Variants in IL4I1 observed in about 807,000 individuals in gnomAD.
IL4I1 encodes the protein L-amino-acid oxidase.
IL4I1 carries 24 observed loss-of-function variants against 29.7 expected under a neutral mutation model. That is an observed-to-expected ratio of 0.81 (90% confidence interval 0.59 to 1.14). IL4I1 has a LOEUF of 1.14. Among genes scored for constraint, IL4I1 ranks in the 50% most tolerant of loss-of-function variants. IL4I1 has a pLI of 0.00. For missense variants in IL4I1, 686 were observed against 785.6 expected (o/e 0.87, Z 1.52); for synonymous variants, 371 against 352.5 (o/e 1.05, Z -0.59).
chr19:49,922,728 A>C (rs968184733), intron 2 of IL4I1, among the ~76,000 whole-genome samples: 4 of 150,130 alleles, frequency 2.7e-5, no homozygotes, highest in African/African-American at 9.8e-5. Flanking sequence ...AAAAAACTGG[A>C]TTTCCAGCTT....
At position 49,908,830 on chromosome 19, in the gene IL4I1, G is replaced by A. The variant is rs199902644; in HGVS notation, c.-227-4509C>T. The A allele has an allele frequency of 6.3e-5, 102 of 1,612,982 alleles. No homozygotes were observed. The highest frequency in any genetic ancestry group is 2.0e-4 in the East Asian group (9 of 44,894). On this transcript the variant is annotated intron_variant, in intron 2 of 9. Transcript: ENST00000341114. The stretch of plus-strand genomic sequence containing the variant: ...TCTCCAGCTGCGCGTAGGTCATGGC[G>A]GAGCTGGCAGCCGCCCCTGCAGCTG...
Position 49,890,251 on chromosome 19 carries a change from T to C in IL4I1, c.1123A>G (p.Asn375Asp). Residue 375 changes from asparagine to aspartate, a missense_variant, in exon 8 of 8, where the codon AAC (asparagine) becomes GAC (aspartate). By Grantham distance (23) the Asn-to-Asp change is conservative (BLOSUM62 1). Coordinates refer to ENST00000391826, the MANE Select transcript of IL4I1 (RefSeq NM_152899.2). ...ATCATGCGCGACGGGCGATCGGTGTTTGAGTGGCCGCCTTCAATGTGCTCC... is the reference window on the plus strand; with the variant it reads ...ATCATGCGCGACGGGCGATCGGTGTCTGAGTGGCCGCCTTCAATGTGCTCC... ...REEHIEGGHS[N>D]TDRPSRMIFY... 1.3e-6 allele frequency: 2 copies of C among 1,573,122 alleles called. No homozygotes were observed. Among genetic ancestry groups the C allele is most frequent in the African/African-American group, 2.7e-5 (2 of 73,846 alleles).
upstream of IL4I1, among the ~76,000 whole-genome samples, chr19:49,899,379 G>A (rs2075250200): frequency 6.6e-6 from 1 of 152,040 alleles, no homozygotes. Flanking sequence ...GGGGACTTCT[G>A]GGTGGTTGTT....
intron 2 of IL4I1, among the ~76,000 whole-genome samples, chr19:49,915,662 CA>C (rs537485173): frequency 5.9e-4 from 90 of 152,346 alleles, no homozygotes; most frequent in Non-Finnish European, 1.2e-3. Flanking sequence ...GATGGGAATA[CA>C]CAGAGCAGAG....
chr19:49,908,326 C>T (rs762041538), intron 2 of IL4I1: 1 of 1,614,154 alleles, frequency 6.2e-7, no homozygotes. Context: ...TCCTCTGCAG[C>T]AGGGCCGAGT....
chr19:49,903,830 G>GTTTTTTTTTTTT lies in IL4I1; in HGVS notation c.-105+357_-105+368dup, dbSNP rs113175852. Among the ~76,000 whole-genome samples, 2 of 66,512 alleles carry GTTTTTTTTTTTT rather than the reference G, an allele frequency of 3.0e-5. 1 individual carries two copies. Among genetic ancestry groups the GTTTTTTTTTTTT allele is most frequent in the African/African-American group, 1.3e-4 (2 of 15,694 alleles). 43.6% of individuals were successfully genotyped at this position (66,512 alleles called of 152,430 possible). A position where few individuals can be genotyped will look rare whatever the true frequency, so the allele number is the denominator to read the frequency against. On this transcript the variant is annotated intron_variant, in intron 3 of 9. Transcript: ENST00000341114. ...CATATTATACTGTTATATGTGCTGG[G>GTTTTTTTTTTTT]TTTTTTTTTTTTTTTTTTTTTTTTT... is the stretch of plus-strand genomic sequence containing the variant.
upstream of IL4I1, among the ~76,000 whole-genome samples, chr19:49,897,757 G>T (rs1240801697): frequency 6.6e-6 from 1 of 152,084 alleles, no homozygotes; most frequent in Non-Finnish European, 1.5e-5. Context: ...TTTCCTTGGG[G>T]TGGGGGAGAG....
chr19:49,924,818 G>C (rs2122760197), intron 2 of IL4I1, among the ~76,000 whole-genome samples: 1 of 152,314 alleles, frequency 6.6e-6, no homozygotes, highest in African/African-American at 2.4e-5. Context: ...AGTCTGGCTG[G>C]GCTGAAGTGG....
At chr19:49,909,188 G>A (rs912927032) in intron 2 of IL4I1, 1 of 1,613,862 alleles carries the variant, frequency 6.2e-7, no homozygotes, top group Non-Finnish European at 8.5e-7. Context: ...GGGTGTGGGA[G>A]CAGCTGGCTG....
chr19:49,913,890 TG>T (rs899077371), intron 2 of IL4I1, among the ~76,000 whole-genome samples: 2 of 151,976 alleles, frequency 1.3e-5, no homozygotes, highest in African/African-American at 4.8e-5. Flanking sequence ...TTTATGGGTG[TG>T]GGGGATGAAC....
chr19:49,908,700 C>G lies in IL4I1; in HGVS notation c.-227-4379G>C. 2 of 1,612,496 alleles carry G rather than the reference C, an allele frequency of 1.2e-6. No individual in the cohort carries two copies. The highest frequency in any genetic ancestry group is 1.6e-4 in the Middle Eastern group (1 of 6,062). On this transcript the variant is annotated intron_variant, in intron 2 of 9. Transcript: ENST00000341114. ...TCGCGGTGCAGGCTGGTGATCTTTTCTCCATTCTCGATCAGCGTGCGGTCC... is the reference window on the plus strand; with the variant it reads ...TCGCGGTGCAGGCTGGTGATCTTTTGTCCATTCTCGATCAGCGTGCGGTCC...
In IL4I1 at chr19:49,908,995, T is replaced by C. The variant is rs760420618; in HGVS notation, c.-227-4674A>G. The C allele has an allele frequency of 3.1e-6, 5 of 1,610,294 alleles. No homozygotes were observed. In the South Asian group the frequency reaches 3.3e-5, roughly 11 times the overall value. ...TGGCGGTGGCGGTGGCAGCGGTGGA[T>C]GTTGTTGTGGAGGTGCCGGAAGCTG... is the stretch of plus-strand genomic sequence containing the variant. On this transcript the variant is annotated intron_variant, in intron 2 of 9. Coordinates refer to the IL4I1 transcript ENST00000341114.
intron 5 of IL4I1, among the ~76,000 whole-genome samples, chr19:49,892,617 T>C (rs2075153951): frequency 1.3e-5 from 2 of 152,204 alleles, no homozygotes; most frequent in African/African-American, 4.8e-5. Context: ...CTTCAGCACT[T>C]TGTTCGAATC....
At chr19:49,913,757 T>A (rs1311883423) in intron 2 of IL4I1, among the ~76,000 whole-genome samples, 2 of 152,180 alleles carry the variant, frequency 1.3e-5, no homozygotes, top group Non-Finnish European at 2.9e-5. Flanking sequence ...GAGTCTTAGC[T>A]CATCACTGAG....
At chr19:49,890,935 C>CT (rs2075127730) in intron 7 of IL4I1, 36 bp downstream of exon 7, 1 of 436,326 alleles carries the variant, frequency 2.3e-6, no homozygotes, top group Non-Finnish European at 3.8e-6. Context: ...GATTGCCCCC[C>CT]GCCCCCCCCC....
rs777222950 is a variant in IL4I1 at position 49,890,483 on chromosome 19, C to T, written c.891G>A (p.Val297=). ...VVAMTQGPHD[V]HVQIETSPPA... is the part of the protein sequence containing the mutation. The stretch of plus-strand genomic sequence containing the variant: ...GGGGAGAGGTCTCGATCTGCACGTG[C>T]ACATCGTGCGGTCCCTGGGTCATCG... Residue 297 remains valine (V), a synonymous_variant, in exon 8 of 8, where the codon GTG becomes GTA. Transcript: ENST00000391826. 13 of 1,611,788 alleles carry T rather than the reference C, an allele frequency of 8.1e-6. No homozygotes were observed. Among genetic ancestry groups the T allele is most frequent in the African/African-American group, 1.3e-5 (1 of 74,924 alleles).
chr19:49,915,255 G>C (rs1054486708), intron 2 of IL4I1, among the ~76,000 whole-genome samples: 4 of 152,164 alleles, frequency 2.6e-5, no homozygotes, highest in Non-Finnish European at 5.9e-5. Context: ...TTGCAGATGT[G>C]ATGAAGATAA....
chr19:49,927,676 A>T (rs774611878), intron 2 of IL4I1: 2 of 152,204 alleles, frequency 1.3e-5, no homozygotes, highest in African/African-American at 2.4e-5. Context: ...AAGGAAGGAG[A>T]AAGAAGCTTG....
At chr19:49,900,107 G>T (rs1418335147), upstream of IL4I1, among the ~76,000 whole-genome samples, 2 of 152,156 alleles carry the variant, frequency 1.3e-5, no homozygotes, top group Non-Finnish European at 2.9e-5. Context: ...AGAGTGCTGG[G>T]ATTACAAGCA....
Sources: allele counts gnomAD v4.1 joint callset (sites outside exome capture counted in the v4.1 genomes callset), GRCh38; gene constraint gnomAD v4.1.1; transcripts MANE v1.5; gene names NCBI Gene and HGNC (gene_info 2026-07-23, HGNC 2026-07-21).